C12orf42: variants seen among roughly 807,000 people sequenced by gnomAD.
The protein encoded by C12orf42 is chromosome 12 open reading frame 42, also known as uncharacterized protein C12orf42.
A neutral mutation model predicts 21.6 loss-of-function variants in C12orf42; 25 were observed. The observed-to-expected ratio is 1.16, with a 90% confidence interval of 0.84 to 1.62. The LOEUF (loss-of-function observed/expected upper bound fraction) is 1.62. Ranked by LOEUF, C12orf42 falls within the 40% of genes most tolerant of loss-of-function variation. The pLI, the probability that C12orf42 is intolerant of heterozygous loss-of-function variation, is 0.00. For synonymous variants in C12orf42, 174 were observed against 175.0 expected, an observed-to-expected ratio of 0.99 and a Z score of 0.05; for missense variants, 483 against 459.3, an observed-to-expected ratio of 1.05 and a Z score of -0.47.
chr12:103,067,159 A>G, the C12orf42 span, among the ~76,000 whole-genome samples: 2 of 152,290 alleles, frequency 1.3e-5, no homozygotes, highest in South Asian at 4.1e-4. Context: ...TCCATTATGG[A>G]AAGGGCAGAG....
chr12:103,348,909 A>AAAATC (rs1314237813), intron 4 of C12orf42, among the ~76,000 whole-genome samples: 24 of 152,310 alleles, frequency 1.6e-4, no homozygotes, highest in African/African-American at 5.8e-4. Context: ...ACACAGTGAC[A>AAAATC]AAATCAAATC....
chr12:103,369,874 C>A (rs374045008), intron 3 of C12orf42, among the ~76,000 whole-genome samples: 2 of 152,010 alleles, frequency 1.3e-5, no homozygotes, highest in East Asian at 1.9e-4. Context: ...CAAAAATTGA[C>A]AAATGGGATC....
chr12:103,507,928 G>A, the C12orf42 span, among the ~76,000 whole-genome samples: 1 of 152,148 alleles, frequency 6.6e-6, no homozygotes, highest in Non-Finnish European at 1.5e-5. Flanking sequence ...TGCAAGCTGT[G>A]CCTCAACCCC....
At chr12:103,298,521 C>T (rs1224355623), downstream of C12orf42, among the ~76,000 whole-genome samples, 2 of 152,134 alleles carry the variant, frequency 1.3e-5, no homozygotes, top group East Asian at 3.8e-4. Flanking sequence ...GTGAAAATGG[C>T]CATACTGCCC....
chr12:103,142,873 G>C, the C12orf42 span, among the ~76,000 whole-genome samples: 1 of 152,210 alleles, frequency 6.6e-6, no homozygotes, highest in South Asian at 2.1e-4. Context: ...AGTCCACCTA[G>C]AGTGTCCAAG....
chr12:103,323,739 A>G (rs2040409058), intron 4 of C12orf42, among the ~76,000 whole-genome samples: 1 of 152,178 alleles, frequency 6.6e-6, no homozygotes, highest in South Asian at 2.1e-4. Flanking sequence ...TGATATTTCT[A>G]TTTTTGGAAT....
chr12:103,206,033 A>T, the C12orf42 span, among the ~76,000 whole-genome samples: 1 of 152,228 alleles, frequency 6.6e-6, no homozygotes, highest in Non-Finnish European at 1.5e-5. Context: ...CACCTGAGTG[A>T]CAAACTGGGA....
the C12orf42 span, among the ~76,000 whole-genome samples, chr12:103,199,448 A>G: frequency 1.3e-5 from 2 of 152,232 alleles, no homozygotes; most frequent in Non-Finnish European, 2.9e-5. Flanking sequence ...AACACAGGCA[A>G]TATAGGTAAA....
the C12orf42 span, among the ~76,000 whole-genome samples, chr12:103,209,008 A>G: frequency 6.6e-6 from 1 of 152,170 alleles, no homozygotes; most frequent in Non-Finnish European, 1.5e-5. Context: ...AACCAATTTC[A>G]TCAAAAAACT....
intron 1 of C12orf42, among the ~76,000 whole-genome samples, chr12:103,491,027 A>C (rs1470384883): frequency 6.6e-6 from 1 of 152,166 alleles, no homozygotes; most frequent in African/African-American, 2.4e-5. Flanking sequence ...CTCTTAGTCC[A>C]GTCTGGCAAT....
At position 103,255,037 on chromosome 12, in the gene C12orf42, T is replaced by G. The variant is rs73385650; in HGVS notation, c.*1366+8289A>C. Among the ~76,000 whole-genome samples, 542 of 152,298 alleles carry G rather than the reference T, an allele frequency of 3.6e-3. 1 individual carries two copies. The highest frequency in any genetic ancestry group is 0.012 in the African/African-American group (508 of 41,572). ...ATATTCATTATATCAACTTTTATTATCGTATTGTCAAGCTTTCTGTTCTCC... is the reference window on the plus strand; with the variant it reads ...ATATTCATTATATCAACTTTTATTAGCGTATTGTCAAGCTTTCTGTTCTCC... On this transcript the variant is annotated intron_variant and NMD_transcript_variant, in intron 10 of 10. Transcript: ENST00000547347.
At chr12:103,176,323 G>GGTC in the C12orf42 span, among the ~76,000 whole-genome samples, 1 of 152,166 alleles carries the variant, frequency 6.6e-6, no homozygotes, top group Non-Finnish European at 1.5e-5. Flanking sequence ...AATTCTTTGA[G>GGTC]TTACCACTTT....
chr12:103,391,030 A>G (rs959770628), intron 3 of C12orf42, among the ~76,000 whole-genome samples: 1 of 152,182 alleles, frequency 6.6e-6, no homozygotes, highest in African/African-American at 2.4e-5. Flanking sequence ...GAACCATCAC[A>G]CTGCATATTA....
chr12:103,287,611 C>T (rs188423986), intron 4 of C12orf42, among the ~76,000 whole-genome samples: 29 of 151,278 alleles, frequency 1.9e-4, no homozygotes, highest in Middle Eastern at 3.4e-3. Flanking sequence ...TGCTAAATGA[C>T]GAGTTAATGA....
At chr12:103,166,885 C>T in the C12orf42 span, among the ~76,000 whole-genome samples, 1 of 152,066 alleles carries the variant, frequency 6.6e-6, no homozygotes, top group African/African-American at 2.4e-5. Flanking sequence ...GAGCTTGGCA[C>T]TTAGTAATGG....
intron 2 of C12orf42, among the ~76,000 whole-genome samples, chr12:103,473,935 C>T (rs1189631998): frequency 1.3e-5 from 2 of 152,142 alleles, no homozygotes; most frequent in East Asian, 1.9e-4. Context: ...GATATCATAT[C>T]AGTGCAGATG....
At chr12:103,519,062 T>C in the C12orf42 span, among the ~76,000 whole-genome samples, 1 of 152,130 alleles carries the variant, frequency 6.6e-6, no homozygotes, top group Admixed American at 6.6e-5. Flanking sequence ...GTTCTCATGA[T>C]AGTGAGTGAG....
chr12:103,413,551 G>C (rs10400505), intron 2 of C12orf42, among the ~76,000 whole-genome samples: 1 of 151,762 alleles, frequency 6.6e-6, no homozygotes, highest in Admixed American at 6.6e-5. Flanking sequence ...TCCTTTAGTG[G>C]TGATTTCTGA....
chr12:103,168,591 T>C, the C12orf42 span, among the ~76,000 whole-genome samples: 9,618 of 152,248 alleles, frequency 0.063, 352 homozygotes, highest in East Asian at 0.17. Flanking sequence ...TTTTCATTTA[T>C]TGAGTGCTTA....
Sources: gnomAD v4.1 joint callset for allele counts (sites outside exome capture counted in the v4.1 genomes callset) on GRCh38, gnomAD v4.1.1 for gene constraint, MANE v1.5 for transcripts, NCBI Gene and HGNC (gene_info 2026-07-23, HGNC 2026-07-21) for gene names.